The following MAST4 variants were observed in gnomAD, a reference collection of about 807,000 sequenced individuals.
MAST4 encodes microtubule-associated serine/threonine-protein kinase 4.
MAST4 carries 89 observed loss-of-function variants against 162.7 expected under a neutral mutation model. The observed-to-expected ratio is 0.55, with a 90% CI of 0.46 to 0.65. MAST4 has a LOEUF of 0.65. Ranked by LOEUF, MAST4 falls within the 30% of genes least tolerant of loss-of-function variation. The pLI is 0.00. For missense variants in MAST4, 3,153 were observed against 3,374.0 expected, an observed-to-expected ratio of 0.93 and a Z score of 1.62; for synonymous variants, 1,479 against 1,361.1, an observed-to-expected ratio of 1.09 and a Z score of -1.91.
At chr5:67,078,896 A>T (rs2545397) in intron 5 of MAST4, among the ~76,000 whole-genome samples, 35,225 of 89,034 alleles carry the variant, frequency 0.4, 8,369 homozygotes, top group African/African-American at 0.67. Flanking sequence ...TTATATATTT[A>T]TATATTTTTA....
chr5:67,059,700 A>T (rs1290469208), intron 5 of MAST4, among the ~76,000 whole-genome samples: 1 of 152,208 alleles, frequency 6.6e-6, no homozygotes, highest in Non-Finnish European at 1.5e-5. Context: ...ATGTATTTTT[A>T]AAAGGGTTTC....
chr5:66,823,266 C>G (rs1363405216), intron 3 of MAST4, among the ~76,000 whole-genome samples: 1 of 152,102 alleles, frequency 6.6e-6, no homozygotes, highest in Non-Finnish European at 1.5e-5. Flanking sequence ...TCAGGCAGTT[C>G]TTTTAGGTAT....
At chr5:66,952,312 A>T (rs1580992892) in intron 4 of MAST4, among the ~76,000 whole-genome samples, 1 of 152,190 alleles carries the variant, frequency 6.6e-6, no homozygotes, top group African/African-American at 2.4e-5. Context: ...TGCCTTGCCC[A>T]CAGTGAACAC....
chr5:66,923,069 T>A (rs1764651215), intron 4 of MAST4, among the ~76,000 whole-genome samples: 1 of 152,236 alleles, frequency 6.6e-6, no homozygotes, highest in Admixed American at 6.5e-5. Context: ...ATCTCCTAGA[T>A]GGCCAGGCTC....
intron 3 of MAST4, among the ~76,000 whole-genome samples, chr5:66,837,023 CATGTGTGTGTGTGTGTGT>C (rs1423286470): frequency 6.9e-6 from 1 of 144,678 alleles, no homozygotes; most frequent in Non-Finnish European, 1.5e-5. Flanking sequence ...CATGCAGGAT[CATGTGTGTGTGTGTGTGT>C]GTGTGTGTGT....
intron 1 of MAST4, among the ~76,000 whole-genome samples, chr5:66,608,140 C>T (rs1235558462): frequency 1.3e-5 from 2 of 151,146 alleles, no homozygotes; most frequent in Non-Finnish European, 2.9e-5. Context: ...TCACTGCAAC[C>T]TCTGCCTCCC....
chr5:66,869,590 A>G (rs1404097707), intron 3 of MAST4, among the ~76,000 whole-genome samples: 1 of 152,252 alleles, frequency 6.6e-6, no homozygotes, highest in African/African-American at 2.4e-5. Flanking sequence ...TAAGCATTAT[A>G]CTGTGAACGC....
intron 4 of MAST4, among the ~76,000 whole-genome samples, chr5:67,047,803 G>T (rs926879352): frequency 6.6e-6 from 1 of 152,186 alleles, no homozygotes; most frequent in African/African-American, 2.4e-5. Flanking sequence ...TAGTAGCAAA[G>T]GGTGTGTGAC....
chr5:66,956,197 C>G (rs1002842185), intron 4 of MAST4, among the ~76,000 whole-genome samples: 1 of 152,058 alleles, frequency 6.6e-6, no homozygotes, highest in African/African-American at 2.4e-5. Flanking sequence ...GTCATTTGTT[C>G]TGACTTTCGT....
At chr5:66,877,456 C>T (rs1183120489) in intron 3 of MAST4, among the ~76,000 whole-genome samples, 5 of 152,160 alleles carry the variant, frequency 3.3e-5, no homozygotes, top group Admixed American at 6.5e-5. Context: ...TGCACAGGGT[C>T]GCACAGCTGG....
At chr5:66,628,674 G>T (rs1047638498) in intron 1 of MAST4, among the ~76,000 whole-genome samples, 3 of 152,116 alleles carry the variant, frequency 2.0e-5, no homozygotes, top group Non-Finnish European at 2.9e-5. Flanking sequence ...TAGCATACAA[G>T]AATGTATGAT....
chr5:66,731,806 A>G (rs1580317609), intron 1 of MAST4, among the ~76,000 whole-genome samples: 3 of 151,958 alleles, frequency 2.0e-5, no homozygotes, highest in African/African-American at 7.3e-5. Context: ...TGATAAATCC[A>G]TTAAGGTGTC....
chr5:66,624,146 G>GTT (rs200030700), intron 1 of MAST4, among the ~76,000 whole-genome samples: 3,294 of 89,838 alleles, frequency 0.037, 391 homozygotes, highest in African/African-American at 0.07. Flanking sequence ...TTGTTAAAAT[G>GTT]TTTTTTTTTT....
At chr5:66,734,352 T>TG (rs771662895) in intron 1 of MAST4, among the ~76,000 whole-genome samples, 46 of 152,298 alleles carry the variant, frequency 3.0e-4, no homozygotes, top group Admixed American at 1.4e-3. Context: ...GAACTTCCAC[T>TG]GGTTTGGAAG....
chr5:66,637,454 G>A (rs1350932085), intron 1 of MAST4, among the ~76,000 whole-genome samples: 1 of 151,818 alleles, frequency 6.6e-6, no homozygotes, highest in African/African-American at 2.4e-5. Flanking sequence ...ATGTTTGTGG[G>A]TAGCTTGCTT....
At chr5:66,885,297 CT>C (rs1761968503) in intron 3 of MAST4, among the ~76,000 whole-genome samples, 2 of 152,110 alleles carry the variant, frequency 1.3e-5, no homozygotes, top group Admixed American at 1.3e-4. Flanking sequence ...ATTTTGTGTA[CT>C]TTGAAGTGGA....
intron 5 of MAST4, among the ~76,000 whole-genome samples, chr5:67,076,506 T>C (rs1561616782): frequency 6.6e-6 from 1 of 152,186 alleles, no homozygotes; most frequent in African/African-American, 2.4e-5. Context: ...CTCTCTGTTA[T>C]TAGCAACATC....
intron 1 of MAST4, among the ~76,000 whole-genome samples, chr5:66,713,312 C>T (rs1750613711): frequency 6.6e-6 from 1 of 152,178 alleles, no homozygotes. Flanking sequence ...CAGTAATCTG[C>T]TGATGGTGAT....
chr5:66,875,021 C>CA (rs1207747253), intron 3 of MAST4, among the ~76,000 whole-genome samples: 3 of 151,982 alleles, frequency 2.0e-5, no homozygotes, highest in African/African-American at 4.8e-5. Flanking sequence ...TCTGTAGCAT[C>CA]AAAAAAATAG....
Sources: gnomAD v4.1 joint callset for allele counts (sites outside exome capture counted in the v4.1 genomes callset) on GRCh38, gnomAD v4.1.1 for gene constraint, MANE v1.5 for transcripts, NCBI Gene and HGNC (gene_info 2026-07-23, HGNC 2026-07-21) for gene names.